The following WDPCP variants were observed in gnomAD, a reference collection of about 807,000 sequenced individuals.
WDPCP encodes WD repeat containing planar cell polarity effector, also known as WD repeat-containing and planar cell polarity effector protein fritz homolog.
WDPCP carries 71 observed loss-of-function variants against 93.1 expected under a neutral mutation model. That is an observed-to-expected ratio of 0.76 (90% confidence interval 0.63 to 0.93). WDPCP has a LOEUF of 0.93. Among genes scored for constraint, WDPCP ranks in the 40% least tolerant of loss-of-function variants. WDPCP has a pLI of 0.00. For missense variants in WDPCP, 844 were observed against 887.4 expected (o/e 0.95, Z 0.62); for synonymous variants, 315 against 315.0 (o/e 1.00, Z 0.00).
intron 3 of WDPCP, among the ~76,000 whole-genome samples, chr2:63,625,484 A>T (rs1447143397): frequency 6.6e-6 from 1 of 152,252 alleles, no homozygotes; most frequent in East Asian, 1.9e-4. Flanking sequence ...GCAAACTATC[A>T]GGATACAAAA....
chr2:63,319,294 C>T (rs539820778), intron 12 of WDPCP, among the ~76,000 whole-genome samples: 4 of 151,966 alleles, frequency 2.6e-5, no homozygotes, highest in South Asian at 2.1e-4. Context: ...TTTTTGTATA[C>T]AGTGAAAGGA....
At chr2:63,488,995 T>C (rs1026837038) in intron 2 of WDPCP, among the ~76,000 whole-genome samples, 4 of 151,980 alleles carry the variant, frequency 2.6e-5, no homozygotes, top group African/African-American at 9.7e-5. Flanking sequence ...CAGCCTGACA[T>C]GGTGTGTTAG....
intron 1 of WDPCP, among the ~76,000 whole-genome samples, chr2:63,507,458 A>C (rs1486967547): frequency 1.3e-5 from 2 of 152,248 alleles, no homozygotes; most frequent in East Asian, 3.9e-4. Context: ...AGTCTCAAAA[A>C]TTAACAATCA....
intron 2 of WDPCP, among the ~76,000 whole-genome samples, chr2:63,743,697 T>C (rs904568923): frequency 2.6e-5 from 4 of 152,130 alleles, no homozygotes; most frequent in African/African-American, 9.7e-5. Flanking sequence ...TCAAGTGATC[T>C]TATTAGGGAG....
chr2:63,743,294 C>T (rs1383173188), intron 2 of WDPCP, among the ~76,000 whole-genome samples: 1 of 152,066 alleles, frequency 6.6e-6, no homozygotes, highest in Non-Finnish European at 1.5e-5. Flanking sequence ...GCATCAGACC[C>T]AACTATTTCA....
In WDPCP at chr2:63,462,874, G is replaced by A. The variant is rs146795496; in HGVS notation, c.384+21730C>T. Among the ~76,000 whole-genome samples the A allele has an allele frequency of 1.0e-3, 156 of 152,246 alleles. 1 individual carries two copies. Among genetic ancestry groups the A allele is most frequent in the African/African-American group, 3.7e-3 (154 of 41,530 alleles). ...AATGGTGGAAGAGGACCAAAGAGGG[G>A]TCTCTGCGTTTCATTTTAAAGATAC... is the stretch of plus-strand genomic sequence containing the variant. On this transcript the variant is annotated intron_variant, in intron 6 of 17. Transcript: ENST00000272321.
intron 2 of WDPCP, among the ~76,000 whole-genome samples, chr2:63,679,122 T>C (rs113353329): frequency 4.2e-4 from 64 of 152,370 alleles, no homozygotes; most frequent in African/African-American, 1.2e-3. Context: ...CTCTGGCCTA[T>C]ATAATCTGCC....
intron 3 of WDPCP, among the ~76,000 whole-genome samples, chr2:63,619,987 G>T (rs532948872): frequency 1.2e-4 from 19 of 152,196 alleles, no homozygotes; most frequent in Non-Finnish European, 2.1e-4. Flanking sequence ...GGTGCATTCC[G>T]GCCCAGATAC....
chr2:63,585,089 G>A (rs1301946931), intron 1 of WDPCP, among the ~76,000 whole-genome samples: 1 of 152,118 alleles, frequency 6.6e-6, no homozygotes, highest in Non-Finnish European at 1.5e-5. Flanking sequence ...CCAGTCAAAT[G>A]TTATAGTTTA....
At chr2:63,321,654 T>C (rs1558465570) in intron 12 of WDPCP, among the ~76,000 whole-genome samples, 1 of 152,194 alleles carries the variant, frequency 6.6e-6, no homozygotes, top group African/African-American at 2.4e-5. Flanking sequence ...CACAGCATTG[T>C]AGAGTGACTT....
chr2:63,236,638 T>C (rs1679419884), intron 14 of WDPCP, among the ~76,000 whole-genome samples: 1 of 151,806 alleles, frequency 6.6e-6, no homozygotes, highest in South Asian at 2.1e-4. Flanking sequence ...ATATACAGAA[T>C]AGAGTGGAAC....
chr2:63,207,452 G>C (rs542275160), intron 14 of WDPCP, among the ~76,000 whole-genome samples: 1 of 152,164 alleles, frequency 6.6e-6, no homozygotes, highest in Non-Finnish European at 1.5e-5. Flanking sequence ...GCGGAACTAT[G>C]AGTCAATTAA....
intron 1 of WDPCP, among the ~76,000 whole-genome samples, chr2:63,818,697 A>G (rs976480913): frequency 1.3e-5 from 2 of 152,236 alleles, no homozygotes; most frequent in African/African-American, 2.4e-5. Flanking sequence ...ACAAAAGAAT[A>G]TAAAAAGTAT....
intron 2 of WDPCP, among the ~76,000 whole-genome samples, chr2:63,744,557 T>C (rs1669769024): frequency 6.6e-6 from 1 of 152,192 alleles, no homozygotes; most frequent in Non-Finnish European, 1.5e-5. Context: ...GTCTCTCATA[T>C]ACTGTAGTAA....
chr2:63,443,581 C>T (rs182050448), intron 6 of WDPCP, among the ~76,000 whole-genome samples: 1 of 152,142 alleles, frequency 6.6e-6, no homozygotes, highest in East Asian at 1.9e-4. Context: ...AGTCAAGGAC[C>T]AGATTAGGTT....
At chr2:63,525,494 A>T (rs902264651) in intron 1 of WDPCP, among the ~76,000 whole-genome samples, 2 of 152,176 alleles carry the variant, frequency 1.3e-5, no homozygotes, top group Non-Finnish European at 2.9e-5. Flanking sequence ...TCACTTCTGG[A>T]ATCATTGATT....
At chr2:63,252,345 T>A (rs1408576278) in intron 14 of WDPCP, among the ~76,000 whole-genome samples, 3 of 152,130 alleles carry the variant, frequency 2.0e-5, no homozygotes, top group Non-Finnish European at 4.4e-5. Context: ...TGGCAAAAGC[T>A]GGAAGCATTC....
intron 17 of WDPCP, among the ~76,000 whole-genome samples, chr2:63,132,502 T>A (rs1474079623): frequency 6.6e-6 from 1 of 150,808 alleles, no homozygotes; most frequent in Non-Finnish European, 1.5e-5. Flanking sequence ...TAGTGTCTCT[T>A]AAGCTCTGTT....
At chr2:63,835,026 T>C in the WDPCP span, among the ~76,000 whole-genome samples, 56 of 152,206 alleles carry the variant, frequency 3.7e-4, no homozygotes, top group Non-Finnish European at 6.0e-4. Flanking sequence ...TTTGGTACTA[T>C]CTGGATTTTT....
Sources: gnomAD v4.1 joint callset for allele counts (sites outside exome capture counted in the v4.1 genomes callset) on GRCh38, gnomAD v4.1.1 for gene constraint, MANE v1.5 for transcripts, NCBI Gene and HGNC (gene_info 2026-07-23, HGNC 2026-07-21) for gene names.